The following REV3L variants were observed in gnomAD, a reference collection of about 807,000 sequenced individuals.
REV3L encodes the protein DNA polymerase zeta catalytic subunit.
A neutral mutation model predicts 299.4 loss-of-function variants in REV3L; 69 were observed. The ratio of observed to expected loss-of-function variants is 0.23; its 90% CI spans 0.19 to 0.28. REV3L has a LOEUF of 0.28. REV3L is among the 10% of genes least tolerant of loss of function. The probability of loss-of-function intolerance (pLI) is 1.00; values close to 1 mark genes in which losing one functional copy is unlikely to be tolerated. For synonymous variants in REV3L, 1,238 were observed against 1,271.4 expected (o/e 0.97, Z 0.56); for missense variants, 3,128 against 3,693.8 (o/e 0.85, Z 3.97).
At chr6:111,343,301 AAGAT>A (rs1776708062) in intron 21 of REV3L, among the ~76,000 whole-genome samples, 1 of 152,214 alleles carries the variant, frequency 6.6e-6, no homozygotes, top group Admixed American at 6.5e-5. Context: ...CTTCAAAGCC[AAGAT>A]AGATTATGAA....
chr6:111,331,591 T>TTA, intron 24 of REV3L, 85 bp downstream of exon 24: 1 of 856,370 alleles, frequency 1.2e-6, no homozygotes, highest in South Asian at 2.1e-5. Flanking sequence ...TTGTTTTCTA[T>TTA]TATGTGCCAA....
At chr6:111,438,014 A>ATT (rs113741430) in intron 1 of REV3L, among the ~76,000 whole-genome samples, 102 of 146,716 alleles carry the variant, frequency 7.0e-4, no homozygotes, top group South Asian at 6.3e-3. Context: ...CACCTGCCTA[A>ATT]TTTTTTTTTT....
Position 111,483,139 on chromosome 6 carries a change from G to A in REV3L, c.-251C>T. ...AGCTTTCGTCGGTGCTGGTGCTGCC[G>A]CCACTGCCGCCACCGCCGGGAATCA... On this transcript the variant is annotated 5_prime_UTR_variant, in exon 1 of 32. Coordinates refer to ENST00000368802, the MANE Select transcript of REV3L (RefSeq NM_001372078.1). 2 of 489,504 alleles carry A rather than the reference G, an allele frequency of 4.1e-6. No individual in the cohort carries two copies. Among genetic ancestry groups the A allele is most frequent in the Non-Finnish European group, 3.5e-6 (1 of 283,010 alleles). The allele number at this position is 489,504 out of a possible 1,614,324, so 30.3% of individuals were successfully genotyped here.
At chr6:111,483,519 T>G, upstream of REV3L, 1 of 511,080 alleles carries the variant, frequency 2.0e-6, no homozygotes, top group Non-Finnish European at 3.7e-6. Context: ...TCCGAGGGGC[T>G]TGCGGGAGGG....
intron 1 of REV3L, among the ~76,000 whole-genome samples, chr6:111,440,229 C>A (rs1788098281): frequency 6.6e-6 from 1 of 152,018 alleles, no homozygotes; most frequent in Non-Finnish European, 1.5e-5. Flanking sequence ...GCCACCATGC[C>A]CGGCTAATTT....
intron 1 of REV3L, among the ~76,000 whole-genome samples, chr6:111,418,010 T>C (rs1784943864): frequency 6.6e-6 from 1 of 152,240 alleles, no homozygotes; most frequent in African/African-American, 2.4e-5. Context: ...ATTCAAACTA[T>C]ATTAATGAGT....
At chr6:111,333,448 A>C (rs1775588719) in intron 22 of REV3L, 81 bp from the exon 23 acceptor site, 1 of 1,517,712 alleles carries the variant, frequency 6.6e-7, no homozygotes, top group Non-Finnish European at 8.9e-7. Context: ...ATTTGAGGAT[A>C]ATCTGCTTTT....
At position 111,373,729 on chromosome 6, in the gene REV3L, T is replaced by G; in HGVS notation, c.4626A>C (p.Gln1542His). Residue 1542 changes from glutamine (Q) to histidine (H), a missense_variant, in exon 13 of 32, where the codon CAA becomes CAC. Transcript: ENST00000368802. The part of the protein sequence containing the change: ...ELLQKRQQKA[Q>H]NANTTQDPLS... Reference sequence around the variant, plus strand: ...ATGGGTCTTGTGTAGTATTTGCATTTTGTGCTTTCTGCTGTCTTTTTTGTA... The same window carrying G: ...ATGGGTCTTGTGTAGTATTTGCATTGTGTGCTTTCTGCTGTCTTTTTTGTA... 1 of 1,613,938 alleles carries G rather than the reference T, an allele frequency of 6.2e-7. No homozygotes were observed. Among genetic ancestry groups the G allele is most frequent in the East Asian group, 2.2e-5 (1 of 44,884 alleles).
intron 16 of REV3L, chr6:111,361,394 A>G (rs1582681541): frequency 7.3e-6 from 1 of 137,314 alleles, no homozygotes; most frequent in African/African-American, 2.5e-5. Context: ...AAACAAAACA[A>G]AAAAAAACAA....
chr6:111,405,872 A>G (rs1220140691), intron 3 of REV3L, among the ~76,000 whole-genome samples: 1 of 152,186 alleles, frequency 6.6e-6, no homozygotes, highest in Non-Finnish European at 1.5e-5. Context: ...AACCAATTTG[A>G]TACTAACTAT....
chr6:111,353,233 T>A (rs189714587), intron 18 of REV3L, among the ~76,000 whole-genome samples: 1 of 152,208 alleles, frequency 6.6e-6, no homozygotes, highest in African/African-American at 2.4e-5. Flanking sequence ...CAATGGATCA[T>A]GACCAGATCA....
intron 1 of REV3L, among the ~76,000 whole-genome samples, chr6:111,449,969 G>A (rs1789305475): frequency 2.0e-5 from 3 of 152,132 alleles, no homozygotes; most frequent in Admixed American, 2.0e-4. Context: ...TGTTCAAGAA[G>A]TAGAAGAATG....
intron 10 of REV3L, among the ~76,000 whole-genome samples, chr6:111,380,697 A>G (rs1217187619): frequency 6.6e-6 from 1 of 152,240 alleles, no homozygotes; most frequent in Admixed American, 6.5e-5. Context: ...TGATCCTTGG[A>G]CCACCTGCAT....
At position 111,373,038 on chromosome 6, in the gene REV3L, C is replaced by T. The variant is rs1779960130; in HGVS notation, c.5317G>A (p.Glu1773Lys). Residue 1773 changes from glutamate (E) to lysine (K), a missense_variant, in exon 13 of 32, where the codon GAA becomes AAA. By Grantham distance (56) the Glu-to-Lys change is moderately conservative. Coordinates refer to ENST00000368802, the MANE Select transcript of REV3L (RefSeq NM_001372078.1). ...CVQQAEDCLS[E>K]KSRLNRSSVS... Reference sequence around the variant, plus strand: ...GAACTCCTATTCAATCTAGATTTTTCACTTAGACAGTCTTCTGCCTGCTGA... The same window carrying T: ...GAACTCCTATTCAATCTAGATTTTTTACTTAGACAGTCTTCTGCCTGCTGA... 6.2e-7 allele frequency: 1 copy of T among 1,613,984 alleles called. No homozygotes were observed. Among genetic ancestry groups the T allele is most frequent in the African/African-American group, 1.3e-5 (1 of 74,916 alleles).
chr6:111,366,544 A>AG (rs1270150337), intron 14 of REV3L, among the ~76,000 whole-genome samples: 1 of 152,156 alleles, frequency 6.6e-6, no homozygotes, highest in Non-Finnish European at 1.5e-5. Context: ...AAGGAAGGTA[A>AG]GGTCAACAAG....
chr6:111,362,275 T>G (rs1390797392), intron 16 of REV3L, among the ~76,000 whole-genome samples: 9 of 152,016 alleles, frequency 5.9e-5, no homozygotes, highest in Admixed American at 5.9e-4. Context: ...CCAATCTAAT[T>G]CTAAAAAAAC....
At chr6:111,482,435 G>T (rs1583165210) in intron 1 of REV3L, among the ~76,000 whole-genome samples, 1 of 152,074 alleles carries the variant, frequency 6.6e-6, no homozygotes. Context: ...CGGGGCGCCC[G>T]CGGCTTTCGC....
rs1321585065 is a variant in REV3L at position 111,299,372 on chromosome 6, CATT to C, written c.*641_*643del. The C allele has an allele frequency of 4.0e-5, 6 of 151,068 alleles. No homozygotes were observed. The Admixed American group carries it at 4.0e-4, about 10-fold the overall frequency. 9.4% of individuals were successfully genotyped at this position (151,068 alleles called of 1,614,324 possible). ...CTTTGCACAGTTCCTCACAATGCCCCATTAATAGCTAAAGCAAGACAGCATTTT... is the reference window on the plus strand; with the variant it reads ...CTTTGCACAGTTCCTCACAATGCCCCAATAGCTAAAGCAAGACAGCATTTT... On this transcript the variant is annotated 3_prime_UTR_variant, in exon 32 of 32. Coordinates refer to ENST00000368802, the MANE Select transcript of REV3L (RefSeq NM_001372078.1).
chr6:111,411,562 A>G lies in REV3L; in HGVS notation c.330-8T>C. 2.0e-6 allele frequency: 3 copies of G among 1,497,914 alleles called. No individual in the cohort carries two copies. Among genetic ancestry groups the G allele is most frequent in the Non-Finnish European group, 2.7e-6 (3 of 1,095,614 alleles). 92.8% of individuals were successfully genotyped at this position (1,497,914 alleles called of 1,614,324 possible). ...TGATAACCATAAAAAGGCCTGAAAT[A>G]TAAGAAAAAAAATTTCAAATTATTT... On this transcript the variant is annotated splice_region_variant and splice_polypyrimidine_tract_variant and intron_variant, in intron 2 of 31. Transcript: ENST00000368802.
Sources: gnomAD v4.1 joint callset for allele counts (sites outside exome capture counted in the v4.1 genomes callset) on GRCh38, gnomAD v4.1.1 for gene constraint, MANE v1.5 for transcripts, NCBI Gene and HGNC (gene_info 2026-07-23, HGNC 2026-07-21) for gene names.